TTC28: variants seen among roughly 807,000 people sequenced by gnomAD.
The protein encoded by TTC28 is tetratricopeptide repeat protein 28.
Under a neutral mutation model 198.0 loss-of-function variants are expected in TTC28, and 61 were observed. The observed-to-expected ratio is 0.31, with a 90% CI of 0.25 to 0.38. The LOEUF is 0.38. Ranked by LOEUF, TTC28 falls within the 10% of genes least tolerant of loss-of-function variation. The pLI is 1.00. For synonymous variants in TTC28, 1,171 were observed against 1,297.8 expected (o/e 0.90, Z 2.10); for missense variants, 2,678 against 3,164.0 (o/e 0.85, Z 3.69).
intron 2 of TTC28, among the ~76,000 whole-genome samples, chr22:28,340,463 T>TA (rs554273080): frequency 0.022 from 2,958 of 137,340 alleles, 81 homozygotes; most frequent in African/African-American, 0.069. Flanking sequence ...TTTTTTTCCT[T>TA]AAAAAAAAAA....
intron 12 of TTC28, among the ~76,000 whole-genome samples, chr22:28,032,319 T>C (rs1317279081): frequency 6.9e-6 from 1 of 145,642 alleles, no homozygotes; most frequent in Non-Finnish European, 1.5e-5. Flanking sequence ...TGTATATATA[T>C]ATCTCTTTTA....
At chr22:28,449,254 G>C (rs1406329047) in intron 2 of TTC28, among the ~76,000 whole-genome samples, 1 of 152,146 alleles carries the variant, frequency 6.6e-6, no homozygotes, top group Non-Finnish European at 1.5e-5. Flanking sequence ...AACAAGTAGG[G>C]AACACAGCAT....
In TTC28 at chr22:28,598,523, A is replaced by G. The variant is rs1232180954; in HGVS notation, c.381+31029T>C. ...GACTACGTCTCCAAAAAAAAAAAAA[A>G]AAAAAAAAAAAGTGATAAGCACTAC... On this transcript the variant is annotated intron_variant, in intron 2 of 22. Transcript: ENST00000397906. 3.3e-5 allele frequency among the ~76,000 whole-genome samples: 5 copies of G among 151,370 alleles called. No individual in the cohort carries two copies. The East Asian group carries it at 9.7e-4, about 29-fold the overall frequency.
intron 2 of TTC28, among the ~76,000 whole-genome samples, chr22:28,334,102 T>G (rs1036762080): frequency 1.3e-5 from 2 of 150,822 alleles, no homozygotes; most frequent in Non-Finnish European, 2.9e-5. Context: ...ACATAAGGTG[T>G]TTGGTTTTTT....
At chr22:28,137,897 C>A (rs1344910638) in intron 6 of TTC28, among the ~76,000 whole-genome samples, 1 of 152,070 alleles carries the variant, frequency 6.6e-6, no homozygotes, top group African/African-American at 2.4e-5. Flanking sequence ...CACCTGTAAT[C>A]CCAGCTACCC....
chr22:28,492,370 C>T (rs531158784), intron 2 of TTC28, among the ~76,000 whole-genome samples: 1 of 152,206 alleles, frequency 6.6e-6, no homozygotes, highest in Admixed American at 6.5e-5. Flanking sequence ...CAAACTGTTG[C>T]TCATAAGAAG....
chr22:28,497,657 C>T (rs942259884), intron 2 of TTC28, among the ~76,000 whole-genome samples: 13 of 151,932 alleles, frequency 8.6e-5, no homozygotes, highest in African/African-American at 2.9e-4. Context: ...CTACAGTGGG[C>T]GGCTAGGGGA....
chr22:28,429,682 A>G (rs759097130), intron 2 of TTC28, among the ~76,000 whole-genome samples: 4 of 152,004 alleles, frequency 2.6e-5, no homozygotes, highest in Non-Finnish European at 4.4e-5. Context: ...TCCCACTTCA[A>G]TTTCTCTCTG....
intron 12 of TTC28, among the ~76,000 whole-genome samples, chr22:28,088,319 A>C (rs1448517621): frequency 6.6e-6 from 1 of 152,166 alleles, no homozygotes; most frequent in East Asian, 1.9e-4. Flanking sequence ...ACAGAGATAT[A>C]GATCAATGGA....
At chr22:28,332,989 C>T (rs556815399) in intron 2 of TTC28, among the ~76,000 whole-genome samples, 14 of 152,034 alleles carry the variant, frequency 9.2e-5, no homozygotes, top group African/African-American at 3.4e-4. Flanking sequence ...CAGCAGAGAA[C>T]AGCAATGTAA....
intron 5 of TTC28, among the ~76,000 whole-genome samples, chr22:28,167,580 T>A (rs879249815): frequency 2.6e-5 from 4 of 152,176 alleles, no homozygotes; most frequent in Admixed American, 2.6e-4. Context: ...CACATGATTA[T>A]CTCAATAGAT....
At chr22:28,106,646 G>T (rs1942313663) in intron 7 of TTC28, among the ~76,000 whole-genome samples, 1 of 152,162 alleles carries the variant, frequency 6.6e-6, no homozygotes, top group Non-Finnish European at 1.5e-5. Context: ...TAAGTAATTG[G>T]TTAGGTGCAG....
intron 6 of TTC28, among the ~76,000 whole-genome samples, chr22:28,130,695 A>G (rs1943040817): frequency 6.6e-6 from 1 of 152,224 alleles, no homozygotes; most frequent in Non-Finnish European, 1.5e-5. Flanking sequence ...GTCTTTTGGA[A>G]AATCTGGAGA....
intron 2 of TTC28, among the ~76,000 whole-genome samples, chr22:28,382,277 T>A (rs1218234105): frequency 6.6e-6 from 1 of 152,192 alleles, no homozygotes; most frequent in African/African-American, 2.4e-5. Context: ...TATACTAATC[T>A]ACAGTATCAT....
intron 2 of TTC28, among the ~76,000 whole-genome samples, chr22:28,485,309 A>C (rs905682205): frequency 6.6e-6 from 1 of 152,206 alleles, no homozygotes; most frequent in African/African-American, 2.4e-5. Flanking sequence ...GAAAGTCAAC[A>C]TTCTATACAT....
chr22:28,328,262 C>A (rs572640074), intron 2 of TTC28, among the ~76,000 whole-genome samples: 80 of 151,854 alleles, frequency 5.3e-4, no homozygotes, highest in African/African-American at 1.7e-3. Flanking sequence ...CAAGACCCCC[C>A]ACCTCTACAA....
At chr22:28,336,582 G>A (rs1032577091) in intron 2 of TTC28, among the ~76,000 whole-genome samples, 9 of 151,946 alleles carry the variant, frequency 5.9e-5, no homozygotes, top group South Asian at 2.1e-4. Context: ...TGTATGTATC[G>A]AGGAATTTAT....
At chr22:28,244,796 T>C (rs971891950) in intron 5 of TTC28, among the ~76,000 whole-genome samples, 7 of 152,320 alleles carry the variant, frequency 4.6e-5, no homozygotes, top group African/African-American at 1.7e-4. Flanking sequence ...TCTTTTTTCA[T>C]GTACCGTGCA....
intron 6 of TTC28, among the ~76,000 whole-genome samples, chr22:28,158,824 T>C (rs1170019580): frequency 6.6e-6 from 1 of 152,132 alleles, no homozygotes; most frequent in Admixed American, 6.5e-5. Flanking sequence ...AAGAAAACAT[T>C]GGAGAAAATC....
Sources: allele counts gnomAD v4.1 joint callset (sites outside exome capture counted in the v4.1 genomes callset), GRCh38; gene constraint gnomAD v4.1.1; transcripts MANE v1.5; gene names NCBI Gene and HGNC (gene_info 2026-07-23, HGNC 2026-07-21).